TMCO5A: variants seen among roughly 807,000 people sequenced by gnomAD.
TMCO5A encodes the protein transmembrane and coiled-coil domains 5A.
Under a neutral mutation model 42.3 loss-of-function variants are expected in TMCO5A, and 34 were observed. The observed-to-expected ratio is 0.80, with a 90% CI of 0.61 to 1.07. The LOEUF is 1.07. TMCO5A is among the 50% of genes least tolerant of loss of function. The pLI, the probability that TMCO5A is intolerant of heterozygous loss-of-function variation, is 0.00. For synonymous variants in TMCO5A, 131 were observed against 115.6 expected (o/e 1.13, Z -0.86); for missense variants, 357 against 327.9 (o/e 1.09, Z -0.69).
chr15:38,031,129 T>A, the TMCO5A span, among the ~76,000 whole-genome samples: 24 of 152,200 alleles, frequency 1.6e-4, no homozygotes, highest in Non-Finnish European at 2.6e-4. Context: ...CATGCCTCCA[T>A]CTTTCTGCTT....
At chr15:37,997,555 G>A in the TMCO5A span, among the ~76,000 whole-genome samples, 1 of 152,022 alleles carries the variant, frequency 6.6e-6, no homozygotes, top group Non-Finnish European at 1.5e-5. Context: ...TCTTTTTTAT[G>A]GCTGAATAGT....
chr15:37,987,651 A>G, the TMCO5A span, among the ~76,000 whole-genome samples: 1 of 151,936 alleles, frequency 6.6e-6, no homozygotes, highest in Non-Finnish European at 1.5e-5. Context: ...GTCTTGGCAC[A>G]CTTATCAAAA....
the TMCO5A span, among the ~76,000 whole-genome samples, chr15:38,008,147 G>A: frequency 6.6e-6 from 1 of 151,346 alleles, no homozygotes; most frequent in Non-Finnish European, 1.5e-5. Context: ...TGCCCACCTT[G>A]GCCTCCCAAA....
At chr15:37,965,623 G>A (rs1270282955) in intron 11 of TMCO5A, among the ~76,000 whole-genome samples, 4 of 152,126 alleles carry the variant, frequency 2.6e-5, no homozygotes, top group Admixed American at 6.6e-5. Context: ...TTTCTCAAAA[G>A]AATACATACA....
At chr15:37,950,617 G>A (rs1214703061) in intron 11 of TMCO5A, among the ~76,000 whole-genome samples, 2 of 152,152 alleles carry the variant, frequency 1.3e-5, no homozygotes, top group African/African-American at 2.4e-5. Flanking sequence ...AAGCCATAAT[G>A]AGAGATTATT....
the TMCO5A span, among the ~76,000 whole-genome samples, chr15:38,039,102 G>C: frequency 6.6e-6 from 1 of 152,148 alleles, no homozygotes; most frequent in Non-Finnish European, 1.5e-5. Flanking sequence ...CTAGAGGCAG[G>C]TGGAAAAAAT....
the TMCO5A span, among the ~76,000 whole-genome samples, chr15:37,980,921 G>T: frequency 6.6e-6 from 1 of 152,150 alleles, no homozygotes; most frequent in East Asian, 1.9e-4. Flanking sequence ...TTTATTTTAA[G>T]AAAACTTTTT....
intron 6 of TMCO5A, among the ~76,000 whole-genome samples, chr15:37,940,009 A>T (rs185687053): frequency 1.8e-3 from 274 of 152,150 alleles, no homozygotes; most frequent in African/African-American, 6.4e-3. Context: ...TCCCAAATGC[A>T]TCCATTCCTC....
chr15:37,964,194 C>T (rs536724969), intron 11 of TMCO5A, among the ~76,000 whole-genome samples: 5 of 152,222 alleles, frequency 3.3e-5, no homozygotes, highest in African/African-American at 1.2e-4. Context: ...TGGGGTGTTC[C>T]CTTGATGTAA....
At chr15:37,959,623 A>G (rs1423904174) in intron 11 of TMCO5A, among the ~76,000 whole-genome samples, 1 of 152,132 alleles carries the variant, frequency 6.6e-6, no homozygotes, top group Non-Finnish European at 1.5e-5. Flanking sequence ...AAAGCAATTG[A>G]TATAATTCAA....
the TMCO5A span, among the ~76,000 whole-genome samples, chr15:37,995,856 C>A: frequency 0.22 from 32,977 of 149,034 alleles, 8,437 homozygotes; most frequent in African/African-American, 0.63. Flanking sequence ...AAAAAAAAAA[C>A]AAACAAACAA....
chr15:37,956,621 C>T, intron 11 of TMCO5A: 1 of 165,070 alleles, frequency 6.1e-6, no homozygotes, highest in Non-Finnish European at 1.3e-5. Flanking sequence ...CCAAAAAAGT[C>T]CAGGACCAGA....
At chr15:38,037,007 G>A in the TMCO5A span, among the ~76,000 whole-genome samples, 2 of 152,068 alleles carry the variant, frequency 1.3e-5, no homozygotes, top group African/African-American at 4.8e-5. Context: ...CATTTGAACA[G>A]AGACACTTAA....
chr15:37,987,742 G>T, the TMCO5A span, among the ~76,000 whole-genome samples: 1 of 151,966 alleles, frequency 6.6e-6, no homozygotes, highest in South Asian at 2.1e-4. Context: ...CTTTATGCCA[G>T]CACCACTCTG....
chr15:37,995,711 T>C, the TMCO5A span, among the ~76,000 whole-genome samples: 1 of 152,180 alleles, frequency 6.6e-6, no homozygotes, highest in African/African-American at 2.4e-5. Flanking sequence ...CAGCACTATA[T>C]GGCACGGCTG....
chr15:38,006,149 C>T, the TMCO5A span, among the ~76,000 whole-genome samples: 5 of 152,142 alleles, frequency 3.3e-5, no homozygotes, highest in African/African-American at 1.2e-4. Flanking sequence ...CCATGCAAGG[C>T]CACATGGGGA....
At chr15:37,939,692 A>T (rs1173447005) in intron 6 of TMCO5A, among the ~76,000 whole-genome samples, 1 of 151,456 alleles carries the variant, frequency 6.6e-6, no homozygotes, top group East Asian at 1.9e-4. Flanking sequence ...TTAATGAATT[A>T]TCAGGTGATA....
At chr15:38,027,798 C>T in the TMCO5A span, among the ~76,000 whole-genome samples, 1 of 152,052 alleles carries the variant, frequency 6.6e-6, no homozygotes, top group Non-Finnish European at 1.5e-5. Context: ...GAGTTCTCAC[C>T]AGATCTGATG....
the TMCO5A span, among the ~76,000 whole-genome samples, chr15:37,991,447 T>TA: frequency 6.6e-6 from 1 of 152,118 alleles, no homozygotes; most frequent in Non-Finnish European, 1.5e-5. Context: ...TTTGAGTTCC[T>TA]ACTAGGAATT....
Sources: allele counts gnomAD v4.1 joint callset (sites outside exome capture counted in the v4.1 genomes callset), GRCh38; gene constraint gnomAD v4.1.1; transcripts MANE v1.5; gene names NCBI Gene and HGNC (gene_info 2026-07-23, HGNC 2026-07-21).